ANK3: variants seen among roughly 807,000 people sequenced by gnomAD.
The protein encoded by ANK3 is ankyrin-3.
ANK3 carries 57 observed loss-of-function variants against 370.9 expected under a neutral mutation model. The observed-to-expected ratio is 0.15, with a 90% CI of 0.12 to 0.19. ANK3 has a LOEUF of 0.19. Among genes scored for constraint, ANK3 ranks in the 10% least tolerant of loss-of-function variants. ANK3 has a pLI of 1.00. For synonymous variants in ANK3, 1,929 were observed against 1,946.3 expected, an observed-to-expected ratio of 0.99 and a Z score of 0.23; for missense variants, 4,439 against 5,302.1, an observed-to-expected ratio of 0.84 and a Z score of 5.06.
intron 2 of ANK3, among the ~76,000 whole-genome samples, chr10:60,494,910 A>G (rs1370419265): frequency 6.6e-6 from 1 of 152,216 alleles, no homozygotes; most frequent in Non-Finnish European, 1.5e-5. Context: ...TTACCACAGA[A>G]TAAGATGAAT....
intron 2 of ANK3, among the ~76,000 whole-genome samples, chr10:60,566,934 C>A (rs2077477935): frequency 6.6e-6 from 1 of 152,178 alleles, no homozygotes; most frequent in Non-Finnish European, 1.5e-5. Flanking sequence ...GGCCCCGACT[C>A]TGCAATTCTG....
chr10:60,030,487 T>G (rs1021638752), intron 43 of ANK3, among the ~76,000 whole-genome samples: 2 of 152,100 alleles, frequency 1.3e-5, no homozygotes, highest in African/African-American at 4.8e-5. Flanking sequence ...TGAGTTGCCA[T>G]GGACACCCCC....
chr10:60,681,266 A>C (rs927696132), intron 1 of ANK3, among the ~76,000 whole-genome samples: 2 of 152,164 alleles, frequency 1.3e-5, no homozygotes, highest in Admixed American at 1.3e-4. Context: ...TCATGTGGCA[A>C]AGTCCTTAAA....
intron 12 of ANK3, among the ~76,000 whole-genome samples, chr10:60,202,773 T>C (rs966093369): frequency 4.6e-5 from 7 of 152,078 alleles, no homozygotes; most frequent in African/African-American, 1.2e-4. Context: ...CCAGGCATGA[T>C]AGCACATTCC....
rs74879619 is a variant in ANK3, at chr10:60,499,225, T to C, written c.96+115961A>G. Among the ~76,000 whole-genome samples the C allele has an allele frequency of 3.1e-3, 471 of 152,284 alleles. 9 individuals are homozygous for C. The highest frequency in any genetic ancestry group is 0.011 in the African/African-American group (454 of 41,562). On this transcript the variant is annotated intron_variant, in intron 2 of 43. Transcript: ENST00000373827. ...TGCATGTTCTTCCTCAAAAGGGTCA[T>C]GAATAATGCCATACACTTCACTTCT...
At chr10:60,098,080 A>C (rs914308209) in intron 28 of ANK3, among the ~76,000 whole-genome samples, 6 of 152,184 alleles carry the variant, frequency 3.9e-5, no homozygotes, top group African/African-American at 1.4e-4. Flanking sequence ...AAGTTCCTGA[A>C]CTTCTCTGAG....
intron 2 of ANK3, among the ~76,000 whole-genome samples, chr10:60,444,462 A>G (rs1439891050): frequency 6.6e-6 from 1 of 151,286 alleles, no homozygotes; most frequent in Non-Finnish European, 1.5e-5. Flanking sequence ...ATATATATAT[A>G]TAAAGACTAA....
intron 5 of ANK3, among the ~76,000 whole-genome samples, 194 bp downstream of exon 5, chr10:60,269,935 GAA>G (rs2132670147): frequency 6.6e-6 from 1 of 152,206 alleles, no homozygotes; most frequent in Admixed American, 6.5e-5. Flanking sequence ...TTTAAGAGTA[GAA>G]AGAGTATCTA....
intron 28 of ANK3, among the ~76,000 whole-genome samples, chr10:60,091,736 G>T (rs997409910): frequency 1.9e-4 from 27 of 145,336 alleles, no homozygotes; most frequent in South Asian, 4.4e-4. Flanking sequence ...GCACATTTTT[G>T]TTTTTTTTTT....
chr10:60,315,776 A>G (rs1263621132), intron 1 of ANK3, among the ~76,000 whole-genome samples: 1 of 152,040 alleles, frequency 6.6e-6, no homozygotes, highest in African/African-American at 2.4e-5. Flanking sequence ...TTCATGGCAG[A>G]TTTACTGTGC....
chr10:60,557,041 C>T (rs898751164), intron 2 of ANK3, among the ~76,000 whole-genome samples: 2 of 152,206 alleles, frequency 1.3e-5, no homozygotes, highest in African/African-American at 4.8e-5. Flanking sequence ...CCCCCTCCCC[C>T]ACTGCTGTCG....
At chr10:60,058,479 G>A (rs1355846220) in intron 41 of ANK3, among the ~76,000 whole-genome samples, 1 of 152,132 alleles carries the variant, frequency 6.6e-6, no homozygotes, top group African/African-American at 2.4e-5. Context: ...TGAAAAATAA[G>A]ACTCGTGGAA....
intron 2 of ANK3, among the ~76,000 whole-genome samples, chr10:60,456,734 G>A (rs569239230): frequency 6.6e-6 from 1 of 152,154 alleles, no homozygotes; most frequent in African/African-American, 2.4e-5. Flanking sequence ...TCTTCCTTTG[G>A]TCCTGTACCC....
At chr10:60,524,749 G>T (rs569751242) in intron 2 of ANK3, among the ~76,000 whole-genome samples, 45 of 152,016 alleles carry the variant, frequency 3.0e-4, no homozygotes, top group Non-Finnish European at 5.0e-4. Context: ...CATCATGCCT[G>T]GGGGGTGGCG....
At chr10:60,404,896 A>G (rs926973845) in intron 2 of ANK3, among the ~76,000 whole-genome samples, 1 of 152,310 alleles carries the variant, frequency 6.6e-6, no homozygotes, top group African/African-American at 2.4e-5. Flanking sequence ...GTTAAAAATG[A>G]ACATAAGACT....
At position 60,172,329 on chromosome 10, in the gene ANK3, G is replaced by T. The variant is rs201677725; in HGVS notation, c.2457C>A (p.Thr819=). The T allele has an allele frequency of 2.5e-6, 4 of 1,613,732 alleles. No individual in the cohort carries two copies. In the South Asian group the frequency reaches 4.4e-5, roughly 18 times the overall value. Residue 819 remains threonine, a synonymous_variant, in exon 21 of 44, where the codon ACC becomes ACA. Coordinates refer to ENST00000280772, the MANE Select transcript of ANK3 (RefSeq NM_020987.5). ...ISVVDTLKIV[T]EETMTTTTVT... ...TTACAGTTGTGGTCATGGTCTCTTC[G>T]GTCACTATCTTCAGGGTGTCCACTA...
At chr10:60,044,467 C>T (rs1365533399) in intron 42 of ANK3, 2 of 426,266 alleles carry the variant, frequency 4.7e-6, no homozygotes, top group Non-Finnish European at 6.3e-6. Context: ...CTACTTGCTA[C>T]TCCAGTGCAA....
At chr10:60,583,124 A>G (rs1490469867) in intron 2 of ANK3, among the ~76,000 whole-genome samples, 3 of 152,226 alleles carry the variant, frequency 2.0e-5, no homozygotes, top group African/African-American at 7.2e-5. Context: ...ATCTATCAGC[A>G]GATAAATGGA....
intron 1 of ANK3, among the ~76,000 whole-genome samples, chr10:60,367,177 T>C (rs2132765152): frequency 6.6e-6 from 1 of 152,320 alleles, no homozygotes; most frequent in African/African-American, 2.4e-5. Flanking sequence ...AGATGTCTAT[T>C]ACTGAGATAG....
Sources: allele counts gnomAD v4.1 joint callset (sites outside exome capture counted in the v4.1 genomes callset), GRCh38; gene constraint gnomAD v4.1.1; transcripts MANE v1.5; gene names NCBI Gene and HGNC (gene_info 2026-07-23, HGNC 2026-07-21).